RBM26: variants seen among roughly 807,000 people sequenced by gnomAD.
RBM26 encodes RNA binding motif protein 26, also known as RNA-binding protein 26.
RBM26 carries 30 observed loss-of-function variants against 123.6 expected under a neutral mutation model. That is an observed-to-expected ratio of 0.24 (90% CI 0.18 to 0.33). The LOEUF is 0.33. Ranked by LOEUF, RBM26 falls within the 10% of genes least tolerant of loss-of-function variation. The pLI is 1.00. For missense variants in RBM26, 947 were observed against 1,203.6 expected, an observed-to-expected ratio of 0.79 and a Z score of 3.15; for synonymous variants, 400 against 404.4, an observed-to-expected ratio of 0.99 and a Z score of 0.13.
chr13:79,334,353 T>C lies in RBM26; in HGVS notation c.2811A>G (p.Glu937=). Residue 937 remains glutamate (E), a synonymous_variant, in exon 20 of 22, where the codon GAA becomes GAG. Transcript: ENST00000438737. ...HAVITFKTRA[E]AEAAAVHGAR... ...TATTTTTAAAACTTACTGCTTCAGC[T>C]TCTGCTCTTGTCTTGAATGTAATTA... 6.5e-7 allele frequency: 1 copy of C among 1,534,348 alleles called. No individual in the cohort carries two copies. Among genetic ancestry groups the C allele is most frequent in the Admixed American group, 2.0e-5 (1 of 50,086 alleles).
intron 7 of RBM26, 99 bp downstream of exon 7, chr13:79,366,534 G>T: frequency 8.1e-7 from 1 of 1,231,360 alleles, no homozygotes. Flanking sequence ...AGGCATTTTT[G>T]GGATTCCTTT....
chr13:79,370,807 TAAAAAGCATTCTCTTGGACC>T, intron 5 of RBM26, 118 bp downstream of exon 5: 1 of 938,660 alleles, frequency 1.1e-6, no homozygotes, highest in Non-Finnish European at 1.6e-6. Context: ...AAGGAATTTT[TAAAAAGCATTCTCTTGGACC>T]ACAGAATACA....
chr13:79,397,937 C>G (rs559819520), intron 1 of RBM26, among the ~76,000 whole-genome samples: 1 of 152,156 alleles, frequency 6.6e-6, no homozygotes, highest in East Asian at 1.9e-4. Context: ...AAAAGAAATG[C>G]TTCTACATAG....
At position 79,368,863 on chromosome 13, in the gene RBM26, A is replaced by G; in HGVS notation, c.762T>C (p.Thr254=). 1 of 1,613,940 alleles carries G rather than the reference A, an allele frequency of 6.2e-7. No homozygotes were observed. The highest frequency in any genetic ancestry group is 8.5e-7 in the Non-Finnish European group (1 of 1,179,868). Reference sequence around the variant, plus strand: ...GATGAGTAGGAGCAATTACTGTAATAGTGCTGCTCAAAGTAGGTACAGGGT... The same window carrying G: ...GATGAGTAGGAGCAATTACTGTAATGGTGCTGCTCAAAGTAGGTACAGGGT... ...GHYPVPTLSS[T]ITVIAPTHHG... The change falls in exon 6 of 22, where the codon ACT becomes ACC. Residue 254 remains threonine (T), a synonymous_variant. Coordinates refer to ENST00000438737, the MANE Select transcript of RBM26 (RefSeq NM_001366735.2).
At chr13:79,397,311 A>T (rs917653583) in intron 1 of RBM26, among the ~76,000 whole-genome samples, 3 of 152,214 alleles carry the variant, frequency 2.0e-5, no homozygotes, top group African/African-American at 7.2e-5. Context: ...AGCCAATATC[A>T]GTAATACTGA....
At chr13:79,396,419 A>G (rs2078569550) in intron 1 of RBM26, among the ~76,000 whole-genome samples, 1 of 152,250 alleles carries the variant, frequency 6.6e-6, no homozygotes, top group Non-Finnish European at 1.5e-5. Context: ...ATAATTAAAA[A>G]GGGGAAAGGA....
intron 3 of RBM26, among the ~76,000 whole-genome samples, chr13:79,374,786 T>C (rs1379438749): frequency 1.3e-5 from 2 of 151,988 alleles, no homozygotes; most frequent in African/African-American, 2.4e-5. Context: ...AAACTTTTAG[T>C]ATAGCCACAG....
intron 14 of RBM26, among the ~76,000 whole-genome samples, chr13:79,347,690 GA>G: frequency 6.6e-6 from 1 of 152,024 alleles, no homozygotes; most frequent in East Asian, 1.9e-4. Flanking sequence ...GAATTATTTT[GA>G]ATTTTCTATA....
chr13:79,331,675 A>G (rs1195592289), intron 20 of RBM26, among the ~76,000 whole-genome samples: 2 of 151,950 alleles, frequency 1.3e-5, no homozygotes, highest in Non-Finnish European at 2.9e-5. Context: ...GTTTGGGACT[A>G]TAGGTTTCAT....
chr13:79,349,072 T>C (rs532677431), intron 14 of RBM26, among the ~76,000 whole-genome samples: 8 of 152,332 alleles, frequency 5.3e-5, no homozygotes, highest in African/African-American at 1.9e-4. Context: ...GAAAAACTGT[T>C]AGTCAAGTCA....
intron 2 of RBM26, 79 bp from the exon 3 acceptor site, chr13:79,377,594 A>G: frequency 1.3e-5 from 14 of 1,099,822 alleles, no homozygotes; most frequent in Non-Finnish European, 1.7e-5. Flanking sequence ...CTTATCTCTA[A>G]TATGATGAAA....
Position 79,337,223 on chromosome 13 carries a change from C to A in RBM26, c.2612G>T (p.Gly871Val), listed in dbSNP as rs146865959. The A allele has an allele frequency of 7.4e-6, 12 of 1,614,162 alleles. No homozygotes were observed. The East Asian group carries it at 2.7e-4, about 36-fold the overall frequency. Residue 871 changes from glycine (G) to valine (V), a missense_variant, in exon 19 of 22, where the codon GGC (glycine) becomes GTC (valine). Around this residue, in one of 5 missense-constraint regions of RBM26, gnomAD observed 164 missense variants for 215.3 expected, o/e 0.76. Transcript: ENST00000438737. ...ACCTCGCCCTCGCCCTCGCCCCCTG[C>A]CTCGGCCATGAACTGCACCTCGACC... ...SRGRGAVHGR[G>V]RGRGRGRGVP...
At chr13:79,369,022 A>G (rs1566484552) in intron 5 of RBM26, 32 bp from the exon 6 acceptor site, 5 of 1,390,650 alleles carry the variant, frequency 3.6e-6, no homozygotes, top group Non-Finnish European at 3.8e-6. Context: ...ATATAAAACT[A>G]CACTGTATTA....
intron 14 of RBM26, among the ~76,000 whole-genome samples, chr13:79,348,493 C>T (rs865911427): frequency 6.6e-6 from 1 of 151,880 alleles, no homozygotes; most frequent in African/African-American, 2.4e-5. Flanking sequence ...TTAAGTTATC[C>T]GAGTATGATT....
rs922646459 is a variant in RBM26 at position 79,337,438 on chromosome 13, T to C, written c.2533-136A>G. On this transcript the variant is annotated intron_variant, in intron 18 of 21. Transcript: ENST00000438737. ...AATGCCCTATAAAAGGATCACATAA[T>C]TTAAATTGGGGTTTTAGTTTAGTGA... 2.8e-5 allele frequency: 29 copies of C among 1,037,200 alleles called. No homozygotes were observed. In the African/African-American group the frequency reaches 4.5e-4, roughly 16 times the overall value. The allele number at this position is 1,037,200 out of a possible 1,614,324, so 64.2% of individuals were successfully genotyped here.
intron 14 of RBM26, among the ~76,000 whole-genome samples, chr13:79,346,129 C>A (rs2072287128): frequency 6.6e-6 from 1 of 151,920 alleles, no homozygotes; most frequent in Non-Finnish European, 1.5e-5. Context: ...GAAAAGTGGC[C>A]CTATTTTTTA....
At chr13:79,315,605 A>C (rs2067071789), downstream of RBM26, among the ~76,000 whole-genome samples, 2 of 151,848 alleles carry the variant, frequency 1.3e-5, no homozygotes, top group Non-Finnish European at 2.9e-5. Context: ...GATGAAATAA[A>C]CAGTGAGGGA....
chr13:79,349,055 T>C (rs1256011822), intron 14 of RBM26, among the ~76,000 whole-genome samples: 3 of 152,172 alleles, frequency 2.0e-5, no homozygotes, highest in Non-Finnish European at 4.4e-5. Context: ...AAATGCATCA[T>C]CAAATTGAAA....
rs145055482 is a variant in RBM26, at chr13:79,375,555, C to G, written c.327+1824G>C. Among the ~76,000 whole-genome samples, 389 of 152,212 alleles carry G rather than the reference C, an allele frequency of 2.6e-3. 4 individuals are homozygous for G. The highest frequency in any genetic ancestry group is 8.9e-3 in the African/African-American group (371 of 41,540). ...AACTTGAATAAACCATTGCATATCT[C>G]TATGTTGCATAAGCAATTGCCAACA... On this transcript the variant is annotated intron_variant, in intron 3 of 21. Coordinates refer to ENST00000438737, the MANE Select transcript of RBM26 (RefSeq NM_001366735.2).
Sources: gnomAD v4.1 joint callset for allele counts (sites outside exome capture counted in the v4.1 genomes callset) on GRCh38, gnomAD v4.1.1 for gene constraint, gnomAD v4.1.1 regional missense constraint, MANE v1.5 for transcripts, NCBI Gene and HGNC (gene_info 2026-07-23, HGNC 2026-07-21) for gene names.